Variants in RASSF3 observed in about 807,000 individuals in gnomAD.
The protein encoded by RASSF3 is Ras association domain family member 3, also known as ras association domain-containing protein 3.
RASSF3 carries 19 observed loss-of-function variants against 19.9 expected under a neutral mutation model. The observed-to-expected ratio is 0.96, with a 90% CI of 0.67 to 1.40. The LOEUF (loss-of-function observed/expected upper bound fraction) is 1.40. RASSF3 is among the 40% of genes most tolerant of loss of function. The probability of loss-of-function intolerance (pLI) is 0.00; values close to 1 mark genes in which losing one functional copy is unlikely to be tolerated. For missense variants in RASSF3, 306 were observed against 289.8 expected, an observed-to-expected ratio of 1.06 and a Z score of -0.41; for synonymous variants, 110 against 104.2, an observed-to-expected ratio of 1.06 and a Z score of -0.34.
chr12:64,573,867 G>A (rs541240289), intron 2 of RASSF3, among the ~76,000 whole-genome samples: 30 of 152,308 alleles, frequency 2.0e-4, no homozygotes, highest in Non-Finnish European at 4.4e-5. Flanking sequence ...TAGACAGGGT[G>A]TCAACAGCAG....
intron 2 of RASSF3, among the ~76,000 whole-genome samples, chr12:64,594,553 G>A (rs1000210758): frequency 2.0e-5 from 3 of 151,996 alleles, no homozygotes; most frequent in African/African-American, 7.2e-5. Flanking sequence ...GTAATTTTGA[G>A]GTAGCCTCAA....
chr12:64,688,919 C>T (rs953251145), intron 3 of RASSF3, among the ~76,000 whole-genome samples: 2 of 152,146 alleles, frequency 1.3e-5, no homozygotes, highest in South Asian at 2.1e-4. Flanking sequence ...CACATTTCAG[C>T]GTACTGATGG....
In RASSF3 at chr12:64,648,802, A is replaced by ATTTTTTTTTT. The variant is rs60003798; in HGVS notation, c.112-35974_112-35965dup. 2.2e-4 allele frequency among the ~76,000 whole-genome samples: 23 copies of ATTTTTTTTTT among 104,990 alleles called. 3 individuals carry two copies. The highest frequency in any genetic ancestry group is 5.3e-4 in the East Asian group (2 of 3,764). The allele number at this position is 104,990 out of a possible 152,430, so 68.9% of individuals were successfully genotyped here. ...GGCCAAGCTTCTTGTTTTTACATTGATTTTTTTTTTTTTTTTTTTTAGAGA... is the reference window on the plus strand; with the variant it reads ...GGCCAAGCTTCTTGTTTTTACATTGATTTTTTTTTTTTTTTTTTTTTTTTTTTTTTAGAGA... On this transcript the variant is annotated intron_variant, in intron 1 of 4. Coordinates refer to ENST00000542104, the MANE Select transcript of RASSF3 (RefSeq NM_178169.4).
intron 2 of RASSF3, among the ~76,000 whole-genome samples, chr12:64,565,884 G>GAAAA (rs35479688): frequency 7.1e-5 from 9 of 126,658 alleles, no homozygotes; most frequent in Admixed American, 4.1e-4. Flanking sequence ...CTTCGTCTCA[G>GAAAA]AAAAAAAAAA....
intron 1 of RASSF3, among the ~76,000 whole-genome samples, chr12:64,510,090 CAA>C (rs67684990): frequency 0.069 from 7,436 of 107,202 alleles, 591 homozygotes; most frequent in African/African-American, 0.21. Context: ...AACTCCATCT[CAA>C]AAAAAAAAAA....
At chr12:64,604,823 CA>C (rs1870158985) in intron 2 of RASSF3, among the ~76,000 whole-genome samples, 1 of 151,268 alleles carries the variant, frequency 6.6e-6, no homozygotes, top group Non-Finnish European at 1.5e-5. Context: ...ATTTTTAGTA[CA>C]GACGGGGTTT....
chr12:64,556,109 G>A (rs1869252580), intron 2 of RASSF3, among the ~76,000 whole-genome samples: 1 of 152,182 alleles, frequency 6.6e-6, no homozygotes, highest in Admixed American at 6.5e-5. Context: ...AGAGAGAGGG[G>A]AAGGTGAGAG....
chr12:64,593,996 G>C (rs1479555280), intron 2 of RASSF3, among the ~76,000 whole-genome samples: 1 of 135,536 alleles, frequency 7.4e-6, no homozygotes, highest in East Asian at 2.2e-4. Flanking sequence ...TGGGCGACAG[G>C]GTGAGACTCT....
chr12:64,694,967 C>G lies in RASSF3; in HGVS notation c.*55C>G. ...GCAGGACCGATGTACAAAACAGCAG[C>G]AAGTGCCTCTCTTCTCAGAGGGCTG... On this transcript the variant is annotated 3_prime_UTR_variant, in exon 5 of 5. Coordinates refer to ENST00000542104, the MANE Select transcript of RASSF3 (RefSeq NM_178169.4). 6.3e-7 allele frequency: 1 copy of G among 1,578,320 alleles called. No homozygotes were observed. Among genetic ancestry groups the G allele is most frequent in the Admixed American group, 1.8e-5 (1 of 56,640 alleles).
At chr12:64,575,269 TC>T (rs774477353) in intron 2 of RASSF3, among the ~76,000 whole-genome samples, 10 of 152,148 alleles carry the variant, frequency 6.6e-5, no homozygotes, top group Non-Finnish European at 1.3e-4. Flanking sequence ...AAATATAACA[TC>T]TGGCTGGGCG....
At chr12:64,628,094 T>C (rs956081674) in intron 1 of RASSF3, among the ~76,000 whole-genome samples, 1 of 152,232 alleles carries the variant, frequency 6.6e-6, no homozygotes, top group Non-Finnish European at 1.5e-5. Flanking sequence ...TAGAATTATT[T>C]CTTTTCCAAA....
rs1221186921 is a variant in RASSF3 at position 64,591,341 on chromosome 12, T to G, written c.294+49636T>G. Among the ~76,000 whole-genome samples the G allele has an allele frequency of 2.0e-5, 3 of 151,978 alleles. No homozygotes were observed. The South Asian group carries it at 6.2e-4, about 31-fold the overall frequency. ...AATACAAAAAATTAGCCAGATGTGG[T>G]GGTGTGCACCAGTAATCCCAGCTAC... On this transcript the variant is annotated intron_variant, in intron 2 of 5. Coordinates refer to the RASSF3 transcript ENST00000637125.
Position 64,634,753 on chromosome 12 carries a change from A to G in RASSF3, c.111+24010A>G, listed in dbSNP as rs1202359377. Among the ~76,000 whole-genome samples, 7 of 117,934 alleles carry G rather than the reference A, an allele frequency of 5.9e-5. No individual in the cohort carries two copies. In the East Asian group the frequency reaches 1.2e-3, roughly 20 times the overall value. The allele number at this position is 117,934 out of a possible 152,430, so 77.4% of individuals were successfully genotyped here. A position where few individuals can be genotyped will look rare whatever the true frequency, so the allele number is the denominator to read the frequency against. ...TCCAGCCTGCACGACACAGCGAGAC[A>G]CCATCTCATAAAAAAAAAAAAAAAA... is the stretch of plus-strand genomic sequence containing the variant. On this transcript the variant is annotated intron_variant, in intron 1 of 4. Transcript: ENST00000542104.
chr12:64,645,766 A>G (rs1399160299), intron 1 of RASSF3, among the ~76,000 whole-genome samples: 1 of 152,200 alleles, frequency 6.6e-6, no homozygotes, highest in East Asian at 1.9e-4. Context: ...TCACTTATAT[A>G]CAATAAAATG....
intron 1 of RASSF3, among the ~76,000 whole-genome samples, chr12:64,675,401 C>T (rs931875092): frequency 2.0e-5 from 3 of 152,062 alleles, no homozygotes; most frequent in Admixed American, 1.3e-4. Context: ...CCTCCCATCT[C>T]GGCCTCCCAA....
At chr12:64,667,017 A>G (rs1025416620) in intron 1 of RASSF3, among the ~76,000 whole-genome samples, 14 of 151,962 alleles carry the variant, frequency 9.2e-5, no homozygotes, top group African/African-American at 3.4e-4. Flanking sequence ...TGACCGGTGC[A>G]GGGTGTGGTA....
At chr12:64,619,933 T>C (rs1348289858) in intron 1 of RASSF3, among the ~76,000 whole-genome samples, 3 of 150,454 alleles carry the variant, frequency 2.0e-5, no homozygotes, top group African/African-American at 7.4e-5. Flanking sequence ...TGAGCCGAGA[T>C]TGCGCCACTG....
At chr12:64,694,138 A>G (rs138633162) in intron 4 of RASSF3, among the ~76,000 whole-genome samples, 1 of 152,192 alleles carries the variant, frequency 6.6e-6, no homozygotes, top group East Asian at 1.9e-4. Context: ...TTCAGACAGC[A>G]TCAGCAACTA....
intron 2 of RASSF3, among the ~76,000 whole-genome samples, chr12:64,561,491 A>T (rs1592401101): frequency 6.6e-6 from 1 of 152,116 alleles, no homozygotes; most frequent in East Asian, 1.9e-4. Flanking sequence ...GACAAACAAA[A>T]TTGCTCCCCC....
Sources: allele counts gnomAD v4.1 joint callset (sites outside exome capture counted in the v4.1 genomes callset), GRCh38; gene constraint gnomAD v4.1.1; transcripts MANE v1.5; gene names NCBI Gene and HGNC (gene_info 2026-07-23, HGNC 2026-07-21).